Variants in GNA14 observed in about 807,000 individuals in gnomAD.
GNA14 encodes G protein subunit alpha 14.
In GNA14, 50 loss-of-function variants were observed where a neutral mutation model predicts 42.0. The ratio of observed to expected loss-of-function variants is 1.19; its 90% CI spans 0.95 to 1.51. GNA14 has a LOEUF of 1.51. Among genes scored for constraint, GNA14 ranks in the 40% most tolerant of loss-of-function variants. The pLI is 0.00. For synonymous variants in GNA14, 173 were observed against 163.1 expected (o/e 1.06, Z -0.46); for missense variants, 473 against 446.2 (o/e 1.06, Z -0.54).
chr9:77,599,715 G>T (rs781456198), intron 1 of GNA14, among the ~76,000 whole-genome samples: 1 of 152,166 alleles, frequency 6.6e-6, no homozygotes, highest in African/African-American at 2.4e-5. Flanking sequence ...GCTGGGCAGC[G>T]CGCTGACATG....
At chr9:77,645,445 C>A (rs1824337562) in intron 1 of GNA14, among the ~76,000 whole-genome samples, 1 of 152,174 alleles carries the variant, frequency 6.6e-6, no homozygotes, top group South Asian at 2.1e-4. Flanking sequence ...TGAAGTCCAT[C>A]CTTGGAGTTC....
chr9:77,434,461 T>A lies in GNA14; in HGVS notation c.371A>T (p.Gln124Leu), dbSNP rs564601928. The A allele has an allele frequency of 2.3e-5, 37 of 1,613,228 alleles. No individual in the cohort carries two copies. In the South Asian group the frequency reaches 4.0e-4, roughly 17 times the overall value. Residue 124 changes from glutamine (Q) to leucine (L), a missense_variant, in exon 3 of 7, where the codon CAG becomes CTG. Physicochemically the swap from Gln to Leu is moderately radical, Grantham distance 113. Coordinates refer to ENST00000341700, the MANE Select transcript of GNA14 (RefSeq NM_004297.4). ...VDKVSMLSRE[Q>L]VEAIKQLWQD... The stretch of plus-strand genomic sequence containing the variant: ...CCAGAGCTGCTTGATGGCCTCCACC[T>A]GCTCCCTGGAGAGCATGGAGACCTT...
chr9:77,571,356 G>T (rs1823056027), intron 1 of GNA14, among the ~76,000 whole-genome samples: 2 of 152,116 alleles, frequency 1.3e-5, no homozygotes, highest in African/African-American at 4.8e-5. Flanking sequence ...AAGATATTTT[G>T]GGATAAGTGG....
chr9:77,483,914 A>G (rs1020023791), intron 2 of GNA14, among the ~76,000 whole-genome samples: 13 of 151,960 alleles, frequency 8.6e-5, no homozygotes, highest in African/African-American at 3.1e-4. Flanking sequence ...ACACAAAATA[A>G]AAGATAGTAA....
intron 1 of GNA14, among the ~76,000 whole-genome samples, chr9:77,620,504 TATC>T (rs1437967059): frequency 6.6e-6 from 1 of 152,196 alleles, no homozygotes; most frequent in Non-Finnish European, 1.5e-5. Flanking sequence ...CTCTAGCAAA[TATC>T]ATAATATAAT....
chr9:77,647,614 G>A, intron 1 of GNA14, 56 bp downstream of exon 1: 2 of 1,572,626 alleles, frequency 1.3e-6, no homozygotes, highest in Non-Finnish European at 1.7e-6. Flanking sequence ...GGAGAGGCCG[G>A]GAGGGCTCGG....
rs1051369048 is a variant in GNA14 at position 77,607,213 on chromosome 9, A to G, written c.124+40457T>C. The stretch of plus-strand genomic sequence containing the variant: ...TCAACAGTCTGTAATAATAAATAGA[A>G]CAGTTACCACAGAATTAGAGTAAGA... On this transcript the variant is annotated intron_variant, in intron 1 of 6. Transcript: ENST00000341700. Among the ~76,000 whole-genome samples the G allele has an allele frequency of 2.0e-5, 3 of 152,234 alleles. No individual in the cohort carries two copies. The East Asian group carries it at 5.8e-4, about 29-fold the overall frequency.
chr9:77,468,280 T>A (rs551417649), intron 2 of GNA14, among the ~76,000 whole-genome samples: 1 of 152,346 alleles, frequency 6.6e-6, no homozygotes, highest in African/African-American at 2.4e-5. Flanking sequence ...TTCCATTTGC[T>A]GTATGCTTTT....
At chr9:77,562,327 C>G (rs573772149) in intron 1 of GNA14, among the ~76,000 whole-genome samples, 1 of 151,890 alleles carries the variant, frequency 6.6e-6, no homozygotes, top group Non-Finnish European at 1.5e-5. Flanking sequence ...GAACAGCTAA[C>G]GTAGATGAGG....
At chr9:77,506,675 C>G (rs11145447) in intron 2 of GNA14, among the ~76,000 whole-genome samples, 1 of 150,228 alleles carries the variant, frequency 6.7e-6, no homozygotes, top group Non-Finnish European at 1.5e-5. Flanking sequence ...GACTCCATCT[C>G]GAAAAAAAAA....
chr9:77,482,841 T>C (rs1715460855), intron 2 of GNA14, among the ~76,000 whole-genome samples: 1 of 152,240 alleles, frequency 6.6e-6, no homozygotes, highest in Admixed American at 6.5e-5. Context: ...TTCCAATTGA[T>C]TGCATCAGCT....
intron 2 of GNA14, among the ~76,000 whole-genome samples, chr9:77,503,747 C>T (rs1203877462): frequency 3.3e-5 from 5 of 149,390 alleles, no homozygotes; most frequent in African/African-American, 1.2e-4. Context: ...AGCCTCCACC[C>T]ACCGAGTTCA....
At chr9:77,533,392 C>A (rs1010824784) in intron 1 of GNA14, among the ~76,000 whole-genome samples, 2 of 152,164 alleles carry the variant, frequency 1.3e-5, no homozygotes, top group Non-Finnish European at 2.9e-5. Context: ...GTTGCCCAGG[C>A]TGGTCTCAAA....
chr9:77,620,104 A>G (rs571389935), intron 1 of GNA14, among the ~76,000 whole-genome samples: 56 of 151,504 alleles, frequency 3.7e-4, no homozygotes, highest in Admixed American at 1.4e-3. Flanking sequence ...ACACACGTGC[A>G]CACACACACA....
chr9:77,606,611 A>T (rs1823649510), intron 1 of GNA14, among the ~76,000 whole-genome samples: 1 of 152,208 alleles, frequency 6.6e-6, no homozygotes, highest in Non-Finnish European at 1.5e-5. Context: ...AAGGCTCAGA[A>T]GGGAATTCTT....
At chr9:77,572,745 T>C (rs1469360502) in intron 1 of GNA14, among the ~76,000 whole-genome samples, 2 of 152,190 alleles carry the variant, frequency 1.3e-5, no homozygotes, top group African/African-American at 4.8e-5. Flanking sequence ...TTGCAAAAAC[T>C]TGGTGTCTGT....
chr9:77,450,681 CT>C (rs1036657474), intron 2 of GNA14, among the ~76,000 whole-genome samples: 5 of 151,340 alleles, frequency 3.3e-5, no homozygotes, highest in Non-Finnish European at 5.9e-5. Flanking sequence ...AATTTTCATC[CT>C]TTTTTTGGTG....
At chr9:77,488,878 T>C (rs145224857) in intron 2 of GNA14, among the ~76,000 whole-genome samples, 1 of 135,764 alleles carries the variant, frequency 7.4e-6, no homozygotes, top group African/African-American at 2.8e-5. Context: ...CAGACATACA[T>C]CACATGAAAC....
intron 1 of GNA14, among the ~76,000 whole-genome samples, chr9:77,551,545 T>G (rs1295295944): frequency 8.4e-5 from 12 of 143,368 alleles, no homozygotes; most frequent in Non-Finnish European, 1.4e-4. Context: ...AATCACTAGG[T>G]CATCAAGTTC....
Sources: gnomAD v4.1 joint callset for allele counts (sites outside exome capture counted in the v4.1 genomes callset) on GRCh38, gnomAD v4.1.1 for gene constraint, MANE v1.5 for transcripts, NCBI Gene and HGNC (gene_info 2026-07-23, HGNC 2026-07-21) for gene names.